The following FOXJ3 variants were observed in gnomAD, a reference collection of about 807,000 sequenced individuals.
The protein encoded by FOXJ3 is forkhead box protein J3.
A neutral mutation model predicts 76.1 loss-of-function variants in FOXJ3; 22 were observed. That is an observed-to-expected ratio of 0.29 (90% CI 0.21 to 0.41). FOXJ3 has a LOEUF of 0.41. Among genes scored for constraint, FOXJ3 ranks in the 10% least tolerant of loss-of-function variants. The probability of loss-of-function intolerance (pLI) is 1.00; values close to 1 mark genes in which losing one functional copy is unlikely to be tolerated. For missense variants in FOXJ3, 613 were observed against 762.1 expected (o/e 0.80, Z 2.30); for synonymous variants, 269 against 261.2 (o/e 1.03, Z -0.29).
chr1:42,318,542 A>T (rs1655253386), intron 1 of FOXJ3, among the ~76,000 whole-genome samples: 1 of 152,082 alleles, frequency 6.6e-6, no homozygotes, highest in African/African-American at 2.4e-5. Flanking sequence ...ACAGGGTTTC[A>T]CCATGTTGGT....
intron 4 of FOXJ3, among the ~76,000 whole-genome samples, chr1:42,231,888 G>A (rs1227591941): frequency 6.6e-6 from 1 of 152,034 alleles, no homozygotes; most frequent in African/African-American, 2.4e-5. Context: ...ATGTTGGTGT[G>A]CTGCACCCAT....
intron 4 of FOXJ3, among the ~76,000 whole-genome samples, chr1:42,231,781 C>G (rs1648143921): frequency 6.6e-6 from 1 of 152,112 alleles, no homozygotes; most frequent in South Asian, 2.1e-4. Flanking sequence ...GACCACAGGT[C>G]CACACCCCAC....
chr1:42,277,278 TA>T (rs1652336179), intron 3 of FOXJ3, among the ~76,000 whole-genome samples: 1 of 151,796 alleles, frequency 6.6e-6, no homozygotes, highest in Non-Finnish European at 1.5e-5. Context: ...GCCCCATCTC[TA>T]CAGGAAATTT....
At chr1:42,190,292 G>A (rs1478030103) in intron 9 of FOXJ3, among the ~76,000 whole-genome samples, 1 of 152,186 alleles carries the variant, frequency 6.6e-6, no homozygotes, top group Admixed American at 6.5e-5. Context: ...AATAAAAAGG[G>A]CTGGTTGGTT....
At chr1:42,314,160 C>T (rs902930736) in intron 1 of FOXJ3, among the ~76,000 whole-genome samples, 2 of 152,316 alleles carry the variant, frequency 1.3e-5, no homozygotes, top group East Asian at 1.9e-4. Context: ...AGTAAACACT[C>T]CTGGCCTCTT....
chr1:42,331,839 AAAG>A (rs778526471), intron 1 of FOXJ3, among the ~76,000 whole-genome samples: 8 of 152,212 alleles, frequency 5.3e-5, no homozygotes, highest in Non-Finnish European at 8.8e-5. Flanking sequence ...TAAAAAAAAA[AAAG>A]AATAAAAGTT....
intron 3 of FOXJ3, among the ~76,000 whole-genome samples, chr1:42,272,266 C>A (rs910380726): frequency 1.2e-4 from 19 of 152,162 alleles, no homozygotes; most frequent in African/African-American, 4.3e-4. Flanking sequence ...CATCCTATCG[C>A]CTCCATACCT....
intron 1 of FOXJ3, among the ~76,000 whole-genome samples, chr1:42,316,945 C>G (rs1192341102): frequency 8.6e-5 from 13 of 151,948 alleles, no homozygotes; most frequent in Non-Finnish European, 4.4e-5. Context: ...GTGATGGGTG[C>G]GCCAAAATCT....
chr1:42,208,581 C>T (rs567004007), intron 5 of FOXJ3, among the ~76,000 whole-genome samples: 1 of 152,310 alleles, frequency 6.6e-6, no homozygotes, highest in South Asian at 2.1e-4. Flanking sequence ...ATAGCTAACA[C>T]CATACTCAAT....
intron 1 of FOXJ3, among the ~76,000 whole-genome samples, chr1:42,330,373 C>T (rs1411621311): frequency 6.6e-6 from 1 of 152,234 alleles, no homozygotes; most frequent in Non-Finnish European, 1.5e-5. Flanking sequence ...TGCAGTGGCT[C>T]ACGCCTGTAA....
chr1:42,275,128 A>G (rs995509436), intron 3 of FOXJ3, among the ~76,000 whole-genome samples: 1 of 152,220 alleles, frequency 6.6e-6, no homozygotes, highest in Non-Finnish European at 1.5e-5. Flanking sequence ...GAAGAGAAAG[A>G]GATACAAAAA....
At chr1:42,199,877 T>G (rs1646725317) in intron 6 of FOXJ3, among the ~76,000 whole-genome samples, 1 of 151,528 alleles carries the variant, frequency 6.6e-6, no homozygotes, top group African/African-American at 2.4e-5. Flanking sequence ...TGTCTATAAG[T>G]ATTATAATTT....
Position 42,330,984 on chromosome 1 carries a change from CA to C in FOXJ3, c.-18+4074del, listed in dbSNP as rs1462806379. Among the ~76,000 whole-genome samples, 6 of 152,256 alleles carry C rather than the reference CA, an allele frequency of 3.9e-5. No homozygotes were observed. In the East Asian group the frequency reaches 1.2e-3, roughly 29 times the overall value. On this transcript the variant is annotated intron_variant, in intron 1 of 12. Coordinates refer to ENST00000361346, the MANE Select transcript of FOXJ3 (RefSeq NM_014947.5). The stretch of plus-strand genomic sequence containing the variant: ...CATGTCTTATTCATCTTTATATCCC[CA>C]ATGCTTAGCAAAATGCATGGCAGAG...
rs1651377924 is a variant in FOXJ3, at chr1:42,265,267, T to C, written c.370-78A>G. On this transcript the variant is annotated intron_variant, in intron 3 of 12. Coordinates refer to ENST00000361346, the MANE Select transcript of FOXJ3 (RefSeq NM_014947.5). ...CCAAATTTAAAAACAGAATTAGAAA[T>C]CTAAACATCTTTATGCTTTGCAAAA... is the stretch of plus-strand genomic sequence containing the variant. The C allele has an allele frequency of 7.0e-6, 5 of 713,202 alleles. No individual in the cohort carries two copies. In the South Asian group the frequency reaches 9.4e-5, roughly 13 times the overall value. The allele number at this position is 713,202 out of a possible 1,614,324, so 44.2% of individuals were successfully genotyped here. A position where few individuals can be genotyped will look rare whatever the true frequency, so the allele number is the denominator to read the frequency against.
intron 4 of FOXJ3, among the ~76,000 whole-genome samples, chr1:42,263,673 C>T (rs1651234365): frequency 6.6e-6 from 1 of 152,126 alleles, no homozygotes. Flanking sequence ...ATGTTCATTA[C>T]TTCAGAAAAA....
Position 42,197,696 on chromosome 1 carries a change from G to T in FOXJ3, c.759+1406C>A, listed in dbSNP as rs994576383. On this transcript the variant is annotated intron_variant, in intron 7 of 12. Transcript: ENST00000361346. ...TAAAAAAAAAAAAGAAAGAAAGAAA[G>T]AAATAACAGTCTCGCTCTATCGCCC... is the stretch of plus-strand genomic sequence containing the variant. Among the ~76,000 whole-genome samples, 10 of 150,070 alleles carry T rather than the reference G, an allele frequency of 6.7e-5. No homozygotes were observed. The South Asian group carries it at 1.3e-3, about 19-fold the overall frequency.
chr1:42,277,550 C>CT (rs1394301165), intron 3 of FOXJ3, among the ~76,000 whole-genome samples: 1,368 of 20,846 alleles, frequency 0.066, 29 homozygotes, highest in Admixed American at 0.086. Flanking sequence ...GTAATCCCAG[C>CT]ACTTTGGGAG....
At chr1:42,330,408 T>C (rs1014322698) in intron 1 of FOXJ3, among the ~76,000 whole-genome samples, 1 of 152,040 alleles carries the variant, frequency 6.6e-6, no homozygotes, top group African/African-American at 2.4e-5. Flanking sequence ...GAGGCCAGGG[T>C]TGGCGGATCA....
At chr1:42,260,197 A>G (rs964028203) in intron 4 of FOXJ3, among the ~76,000 whole-genome samples, 3 of 152,178 alleles carry the variant, frequency 2.0e-5, no homozygotes, top group Non-Finnish European at 4.4e-5. Flanking sequence ...ATTTAATGTT[A>G]TATTTTATGT....
Sources: gnomAD v4.1 joint callset for allele counts (sites outside exome capture counted in the v4.1 genomes callset) on GRCh38, gnomAD v4.1.1 for gene constraint, MANE v1.5 for transcripts, NCBI Gene and HGNC (gene_info 2026-07-23, HGNC 2026-07-21) for gene names.